The following LTBR variants were observed in gnomAD, a reference collection of about 807,000 sequenced individuals.
LTBR encodes the protein tumor necrosis factor receptor superfamily member 3.
LTBR carries 15 observed loss-of-function variants against 45.4 expected under a neutral mutation model. The observed-to-expected ratio is 0.33, with a 90% CI of 0.22 to 0.51. The LOEUF is 0.51. LTBR is among the 20% of genes least tolerant of loss of function. The pLI, the probability that LTBR is intolerant of heterozygous loss-of-function variation, is 0.97. For synonymous variants in LTBR, 228 were observed against 231.0 expected, an observed-to-expected ratio of 0.99 and a Z score of 0.12; for missense variants, 450 against 565.5, an observed-to-expected ratio of 0.80 and a Z score of 2.07.
intron 1 of LTBR, chr12:6,376,161 TCTC>T: frequency 1.0e-6 from 1 of 985,676 alleles, no homozygotes; most frequent in African/African-American, 1.7e-5. Context: ...TCTCTGCAGG[TCTC>T]CTCCCCGCTC....
chr12:6,377,644 T>G (rs1948932891), intron 1 of LTBR: 1 of 1,308,302 alleles, frequency 7.6e-7, no homozygotes, highest in Non-Finnish European at 1.0e-6. Context: ...GAAACTCCAG[T>G]CTCCCTTGAG....
intron 1 of LTBR, chr12:6,377,305 A>C: frequency 6.5e-7 from 1 of 1,539,816 alleles, no homozygotes. Flanking sequence ...ATTTTTCTTC[A>C]TTGTCCTAAT....
chr12:6,385,383 A>G lies in LTBR; in HGVS notation c.472+4A>G, dbSNP rs1276102117. Reference sequence around the variant, plus strand: ...GGCACTGAAGCCGAGCTCAAAGGTCAGAGGTCCCTGAGGGGCTGGATGTGA... The same window carrying G: ...GGCACTGAAGCCGAGCTCAAAGGTCGGAGGTCCCTGAGGGGCTGGATGTGA... On this transcript the variant is annotated splice_donor_region_variant and intron_variant, in intron 4 of 9. Coordinates refer to ENST00000228918, the MANE Select transcript of LTBR (RefSeq NM_002342.3). The G allele has an allele frequency of 6.2e-7, 1 of 1,613,890 alleles. No individual in the cohort carries two copies. The highest frequency in any genetic ancestry group is 2.2e-5 in the East Asian group (1 of 44,888).
chr12:6,377,420 C>T (rs943336043), intron 1 of LTBR: 34 of 716,688 alleles, frequency 4.7e-5, no homozygotes, highest in Non-Finnish European at 6.8e-5. Flanking sequence ...TCCTCTGGGG[C>T]TATCTACTTA....
At position 6,390,944 on chromosome 12, in the gene LTBR, C is replaced by T; in HGVS notation, c.*7C>T. ...ATTTATCACCCATGACTGACTGAGT[C>T]TGAGAAAAGGCAGAAGAAGGGGGGC... On this transcript the variant is annotated 3_prime_UTR_variant, in exon 10 of 10. Transcript: ENST00000228918. 6.6e-7 allele frequency: 1 copy of T among 1,520,446 alleles called. No homozygotes were observed. 94.2% of individuals were successfully genotyped at this position (1,520,446 alleles called of 1,614,324 possible). A position where few individuals can be genotyped will look rare whatever the true frequency, so the allele number is the denominator to read the frequency against.
At chr12:6,375,705 A>C in intron 1 of LTBR, 1 of 1,430,550 alleles carries the variant, frequency 7.0e-7, no homozygotes, top group Non-Finnish European at 9.1e-7. Flanking sequence ...GAGAAGGCGG[A>C]CTCTGGGCAG....
intron 1 of LTBR, chr12:6,377,717 A>G (rs1437922750): frequency 7.8e-7 from 1 of 1,286,048 alleles, no homozygotes; most frequent in African/African-American, 1.5e-5. Context: ...TGGCTGTTTG[A>G]TCTCAAAGGT....
chr12:6,384,708 C>T (rs1565493423), intron 2 of LTBR, 24 bp downstream of exon 2: 2 of 1,608,754 alleles, frequency 1.2e-6, no homozygotes, highest in Non-Finnish European at 1.7e-6. Context: ...GCAGGACGAA[C>T]CTGGGCCTCG....
intron 4 of LTBR, 160 bp from the exon 5 acceptor site, chr12:6,385,904 CAA>C (rs4020662): frequency 0.013 from 4,565 of 353,570 alleles, no homozygotes; most frequent in South Asian, 0.016. Context: ...GACTCCGTCT[CAA>C]AAAAAAAAAA....
intron 4 of LTBR, chr12:6,385,703 G>C (rs149902013): frequency 3.3e-5 from 13 of 389,096 alleles, no homozygotes; most frequent in African/African-American, 2.4e-4. Flanking sequence ...TCAGGAGATC[G>C]AGACCATCCT....
chr12:6,389,045 G>T (rs548004567), intron 8 of LTBR: 6 of 547,164 alleles, frequency 1.1e-5, no homozygotes, highest in African/African-American at 7.6e-5. Flanking sequence ...CATGCCCATG[G>T]AGCAAGAATA....
Position 6,388,024 on chromosome 12 carries a change from C to T in LTBR, c.668-374C>T. On this transcript the variant is annotated intron_variant, in intron 6 of 9. Coordinates refer to ENST00000228918, the MANE Select transcript of LTBR (RefSeq NM_002342.3). This position sits in a 1 kb window ranked among gnomAD's most constrained non-coding sequence, Gnocchi z 4.3. Reference sequence around the variant, plus strand: ...TCTGTTTACAACTCCAAGTCCCACCCTTCCCTACTGTCTCCCAATCCCACT... The same window carrying T: ...TCTGTTTACAACTCCAAGTCCCACCTTTCCCTACTGTCTCCCAATCCCACT... 2.8e-6 allele frequency: 1 copy of T among 357,928 alleles called. No individual in the cohort carries two copies. Among genetic ancestry groups the T allele is most frequent in the South Asian group, 2.1e-5 (1 of 47,438 alleles). 22.2% of individuals were successfully genotyped at this position (357,928 alleles called of 1,614,324 possible). A position where few individuals can be genotyped will look rare whatever the true frequency, so the allele number is the denominator to read the frequency against.
In LTBR at chr12:6,388,548, C is replaced by G; in HGVS notation, c.775+43C>G. On this transcript the variant is annotated intron_variant, in intron 7 of 9. Coordinates refer to ENST00000228918, the MANE Select transcript of LTBR (RefSeq NM_002342.3). This position sits in a 1 kb window ranked among gnomAD's most constrained non-coding sequence, Gnocchi z 4.3. ...GCAGTGGATGGTTGGCAATGGGAGC[C>G]GGAGGGAGGAATATTCAACTTCCCC... 1 of 1,543,952 alleles carries G rather than the reference C, an allele frequency of 6.5e-7. No homozygotes were observed. The highest frequency in any genetic ancestry group is 9.0e-7 in the Non-Finnish European group (1 of 1,117,054).
upstream of LTBR, among the ~76,000 whole-genome samples, chr12:6,383,469 G>A (rs1474268759): frequency 6.6e-6 from 1 of 152,156 alleles, no homozygotes; most frequent in East Asian, 1.9e-4. Flanking sequence ...GGGCAAAGAA[G>A]CCAGAGCAGA....
At chr12:6,383,118 G>C (rs1949000993), upstream of LTBR, among the ~76,000 whole-genome samples, 1 of 152,222 alleles carries the variant, frequency 6.6e-6, no homozygotes, top group South Asian at 2.1e-4. Context: ...AGACAGCCAG[G>C]TACAGAGGGC....
Position 6,384,718 on chromosome 12 carries a change from G to A in LTBR, c.193+34G>A, listed in dbSNP as rs185007494. 345 of 1,596,670 alleles carry A rather than the reference G, an allele frequency of 2.2e-4. 1 individual carries two copies. The East Asian group carries it at 5.7e-3, about 27-fold the overall frequency. On this transcript the variant is annotated intron_variant, in intron 2 of 9. Coordinates refer to ENST00000228918, the MANE Select transcript of LTBR (RefSeq NM_002342.3). ...CAATGGCAGGACGAACCTGGGCCTC[G>A]GAAGTGGGTCACGGGGGCTCCAGCC... is the stretch of plus-strand genomic sequence containing the variant.
In LTBR at chr12:6,384,648, C is replaced by G. The variant is rs748003469; in HGVS notation, c.157C>G (p.Pro53Ala). ...CRDQEKEYYE[P>A]QHRICCSRCP... The stretch of plus-strand genomic sequence containing the variant: ...GGACCAGGAAAAGGAATACTATGAG[C>G]CCCAGCACCGCATCTGCTGCTCCCG... Residue 53 changes from proline to alanine, a missense_variant, in exon 2 of 10, where the codon CCC becomes GCC. Coordinates refer to ENST00000228918, the MANE Select transcript of LTBR (RefSeq NM_002342.3). 1.5e-5 allele frequency: 24 copies of G among 1,614,086 alleles called. No homozygotes were observed. In the African/African-American group the frequency reaches 3.2e-4, roughly 22 times the overall value.
chr12:6,375,580 G>A, exon 1 of LTBR: 1 of 1,522,352 alleles, frequency 6.6e-7, no homozygotes, highest in Non-Finnish European at 8.8e-7. Flanking sequence ...AATCTCATTA[G>A]CATCTCAATT....
At chr12:6,375,727 G>C in intron 1 of LTBR, 1 of 1,422,870 alleles carries the variant, frequency 7.0e-7, no homozygotes, top group Non-Finnish European at 9.2e-7. Context: ...GGCTTTAGAC[G>C]CAGACAGGCA....
Sources: gnomAD v4.1 joint callset for allele counts (sites outside exome capture counted in the v4.1 genomes callset) on GRCh38, gnomAD v4.1.1 for gene constraint, Gnocchi (gnomAD v3.1) non-coding constraint, MANE v1.5 for transcripts, NCBI Gene and HGNC (gene_info 2026-07-23, HGNC 2026-07-21) for gene names.